The following ETS1 variants were observed in gnomAD, a reference collection of about 807,000 sequenced individuals.
ETS1 encodes protein C-ets-1.
A neutral mutation model predicts 58.6 loss-of-function variants in ETS1; 15 were observed. That is an observed-to-expected ratio of 0.26 (90% CI 0.17 to 0.39). The LOEUF (loss-of-function observed/expected upper bound fraction) is 0.39. ETS1 is among the 10% of genes least tolerant of loss of function. The probability of loss-of-function intolerance (pLI) is 1.00; values close to 1 mark genes in which losing one functional copy is unlikely to be tolerated. For synonymous variants in ETS1, 214 were observed against 218.2 expected (o/e 0.98, Z 0.17); for missense variants, 417 against 610.5 (o/e 0.68, Z 3.34).
chr11:128,466,628 C>T (rs546655057), intron 8 of ETS1, among the ~76,000 whole-genome samples: 3 of 152,260 alleles, frequency 2.0e-5, no homozygotes, highest in African/African-American at 4.8e-5. Context: ...CATACGGGAC[C>T]CGGTGAGTCT....
intron 7 of ETS1, among the ~76,000 whole-genome samples, chr11:128,483,764 G>A (rs1278115749): frequency 4.6e-5 from 7 of 152,096 alleles, no homozygotes; most frequent in Non-Finnish European, 7.3e-5. Flanking sequence ...GGTACCATTG[G>A]GCTCTCCTCC....
At chr11:128,547,919 C>T (rs1014107619) in intron 3 of ETS1, among the ~76,000 whole-genome samples, 3 of 152,024 alleles carry the variant, frequency 2.0e-5, no homozygotes, top group Non-Finnish European at 4.4e-5. Context: ...TTGCCCCATG[C>T]TTCAGTGGGA....
intron 2 of ETS1, among the ~76,000 whole-genome samples, chr11:128,569,462 T>C (rs887389578): frequency 6.6e-6 from 1 of 151,702 alleles, no homozygotes; most frequent in Non-Finnish European, 1.5e-5. Flanking sequence ...GAGAAGACTC[T>C]GGTTGCCTGG....
At chr11:128,516,412 G>C (rs747054197) in intron 3 of ETS1, among the ~76,000 whole-genome samples, 14 of 152,202 alleles carry the variant, frequency 9.2e-5, no homozygotes, top group Non-Finnish European at 1.9e-4. Context: ...CTTGTGAGCA[G>C]GAAAATGGAG....
In ETS1 at chr11:128,584,979, AAAGAAAGAAAGG is replaced by A. The variant is rs1451365309; in HGVS notation, c.-15+2497_-15+2508del. 3.2e-4 allele frequency among the ~76,000 whole-genome samples: 20 copies of A among 61,732 alleles called. 2 individuals are homozygous for A. Among genetic ancestry groups the A allele is most frequent in the African/African-American group, 9.6e-4 (12 of 12,446 alleles). 40.5% of individuals were successfully genotyped at this position (61,732 alleles called of 152,430 possible). A position where few individuals can be genotyped will look rare whatever the true frequency, so the allele number is the denominator to read the frequency against. On this transcript the variant is annotated intron_variant, in intron 1 of 9. Coordinates refer to ENST00000392668, the MANE Select transcript of ETS1 (RefSeq NM_001143820.2). ...GAAAGAAAGAAAGAAAGAAAGAAAG[AAAGAAAGAAAGG>A]AAGGAAGGAAGGAAAGAAAGGAAAG...
At position 128,490,468 on chromosome 11, in the gene ETS1, C is replaced by A; in HGVS notation, c.323G>T (p.Gly108Val). 1 of 1,614,080 alleles carries A rather than the reference C, an allele frequency of 6.2e-7. No individual in the cohort carries two copies. ...SGFTKEQQRLGIPKDPRQWTE... is the reference protein window; with the variant it reads ...SGFTKEQQRLVIPKDPRQWTE... ...CTACAAAACCATACCTTTTGGGATC[C>A]CCAGTCGTTGCTGTTCTTTAGTGAA... Residue 108 changes from glycine to valine, a missense_variant, in exon 4 of 10, where the codon GGG (glycine) becomes GTG (valine). Physicochemically the swap from Gly to Val is moderately radical, Grantham distance 109. Coordinates refer to ENST00000392668, the MANE Select transcript of ETS1 (RefSeq NM_001143820.2).
At chr11:128,491,205 A>G (rs979555921) in intron 3 of ETS1, among the ~76,000 whole-genome samples, 1 of 152,252 alleles carries the variant, frequency 6.6e-6, no homozygotes, top group African/African-American at 2.4e-5. Context: ...TGAAAATGAA[A>G]TAACAATATT....
chr11:128,513,335 C>G (rs947382629), intron 3 of ETS1, among the ~76,000 whole-genome samples: 3 of 152,162 alleles, frequency 2.0e-5, no homozygotes, highest in African/African-American at 7.2e-5. Flanking sequence ...GGTCGTCATT[C>G]CAATGAATTT....
At chr11:128,495,213 A>C (rs1283256664) in intron 3 of ETS1, among the ~76,000 whole-genome samples, 2 of 152,202 alleles carry the variant, frequency 1.3e-5, no homozygotes, top group East Asian at 3.8e-4. Flanking sequence ...GCTAGAAGCC[A>C]GTCTTCTAAC....
At chr11:128,466,463 G>A (rs1291355475) in intron 8 of ETS1, among the ~76,000 whole-genome samples, 3 of 152,192 alleles carry the variant, frequency 2.0e-5, no homozygotes, top group African/African-American at 7.2e-5. Flanking sequence ...GCAGAGAAGG[G>A]ACCTTCAATT....
At chr11:128,466,456 G>A (rs1225397875) in intron 8 of ETS1, among the ~76,000 whole-genome samples, 2 of 152,210 alleles carry the variant, frequency 1.3e-5, no homozygotes, top group Non-Finnish European at 2.9e-5. Flanking sequence ...CCACAATGCA[G>A]AGAAGGGACC....
intron 3 of ETS1, among the ~76,000 whole-genome samples, chr11:128,531,030 T>A (rs1006932808): frequency 1.3e-5 from 2 of 152,226 alleles, no homozygotes; most frequent in Middle Eastern, 3.2e-3. Flanking sequence ...AGTGTTCCTG[T>A]TTCCAAATAG....
chr11:128,585,032 A>G (rs1283638234), intron 1 of ETS1, among the ~76,000 whole-genome samples: 375 of 11,416 alleles, frequency 0.033, 66 homozygotes, highest in Non-Finnish European at 0.04. Context: ...AGAAAGAAAG[A>G]AAAGAAAGAA....
chr11:128,541,164 G>A (rs1296699219), intron 3 of ETS1, among the ~76,000 whole-genome samples: 1 of 152,156 alleles, frequency 6.6e-6, no homozygotes, highest in Non-Finnish European at 1.5e-5. Context: ...CACCAGCTCT[G>A]CAGCTTGGCT....
chr11:128,519,523 A>ATGT (rs1863608571), intron 3 of ETS1, among the ~76,000 whole-genome samples: 1 of 152,226 alleles, frequency 6.6e-6, no homozygotes, highest in Admixed American at 6.5e-5. Flanking sequence ...CTTTAAACAC[A>ATGT]TGTCCTATAT....
intron 8 of ETS1, among the ~76,000 whole-genome samples, chr11:128,479,313 C>T (rs1242334857): frequency 6.6e-6 from 1 of 152,196 alleles, no homozygotes; most frequent in African/African-American, 2.4e-5. Flanking sequence ...GCCTAGACCA[C>T]ATCTGAGTAA....
chr11:128,584,103 G>A (rs764752361), intron 1 of ETS1, among the ~76,000 whole-genome samples: 10 of 152,186 alleles, frequency 6.6e-5, no homozygotes, highest in Non-Finnish European at 1.0e-4. Context: ...GCACAAGGCT[G>A]GGCATGGAGT....
At chr11:128,546,604 T>A (rs1864136224) in intron 3 of ETS1, among the ~76,000 whole-genome samples, 1 of 152,182 alleles carries the variant, frequency 6.6e-6, no homozygotes, top group South Asian at 2.1e-4. Context: ...TAGGGAATAA[T>A]GACAAGAAAA....
At chr11:128,479,468 T>A (rs546019354) in intron 8 of ETS1, among the ~76,000 whole-genome samples, 92 of 152,390 alleles carry the variant, frequency 6.0e-4, no homozygotes, top group Middle Eastern at 3.4e-3. Context: ...TTTTTCTGGT[T>A]AAGTAGCATG....
Sources: gnomAD v4.1 joint callset for allele counts (sites outside exome capture counted in the v4.1 genomes callset) on GRCh38, gnomAD v4.1.1 for gene constraint, MANE v1.5 for transcripts, NCBI Gene and HGNC (gene_info 2026-07-23, HGNC 2026-07-21) for gene names.